Variants in MS4A7 observed in about 807,000 individuals in gnomAD.
MS4A7 encodes the protein membrane spanning 4-domains A7, also known as membrane-spanning 4-domains subfamily A member 7.
A neutral mutation model predicts 23.5 loss-of-function variants in MS4A7; 21 were observed. The ratio of observed to expected loss-of-function variants is 0.89; its 90% CI spans 0.63 to 1.29. The LOEUF (loss-of-function observed/expected upper bound fraction) is 1.29, where lower values mean the gene tolerates loss of function less well. Ranked by LOEUF, MS4A7 falls within the 50% of genes most tolerant of loss-of-function variation. MS4A7 has a pLI of 0.00. For missense variants in MS4A7, 263 were observed against 274.2 expected (o/e 0.96, Z 0.29); for synonymous variants, 111 against 107.4 (o/e 1.03, Z -0.21).
chr11:60,387,257 C>T (rs1590794286), intron 4 of MS4A7, among the ~76,000 whole-genome samples: 1 of 152,268 alleles, frequency 6.6e-6, no homozygotes, highest in African/African-American at 2.4e-5. Context: ...GTTTGGTTTT[C>T]CCAGGACTGT....
In MS4A7 at chr11:60,392,795, G is replaced by A; in HGVS notation, c.648+9G>A. The stretch of plus-strand genomic sequence containing the variant: ...ACTCCAACAACCCTGGGGTGAGTAT[G>A]CTGACATGTCGCCTGATACCTGCTG... On this transcript the variant is annotated intron_variant, in intron 6 of 6. Transcript: ENST00000300184. 1 of 1,592,156 alleles carries A rather than the reference G, an allele frequency of 6.3e-7. No homozygotes were observed.
intron 5 of MS4A7, among the ~76,000 whole-genome samples, chr11:60,392,228 C>G (rs1590798340): frequency 6.6e-6 from 1 of 151,478 alleles, no homozygotes; most frequent in African/African-American, 2.4e-5. Context: ...CAGTACATAT[C>G]TAGTAGGAGT....
At chr11:60,391,196 C>A (rs1204443547) in intron 5 of MS4A7, among the ~76,000 whole-genome samples, 2 of 152,158 alleles carry the variant, frequency 1.3e-5, no homozygotes, top group African/African-American at 4.8e-5. Context: ...GCCCAACATC[C>A]CAAGAAGTTT....
chr11:60,388,589 G>A (rs2085515338), intron 4 of MS4A7, among the ~76,000 whole-genome samples: 4 of 152,214 alleles, frequency 2.6e-5, no homozygotes, highest in Admixed American at 2.6e-4. Flanking sequence ...GAGTCAGGAT[G>A]TGGCTTTTCC....
At position 60,384,873 on chromosome 11, in the gene MS4A7, C is replaced by T. The variant is rs368613076; in HGVS notation, c.148-215C>T. On this transcript the variant is annotated intron_variant, in intron 2 of 6. Transcript: ENST00000300184. ...TTAAAATGTGTGTATGATCACTTTC[C>T]GATTTGCTGGTTTAATAATCCTATC... is the stretch of plus-strand genomic sequence containing the variant. Among the ~76,000 whole-genome samples, 8 of 152,230 alleles carry T rather than the reference C, an allele frequency of 5.3e-5. No individual in the cohort carries two copies. In the South Asian group the frequency reaches 1.2e-3, roughly 24 times the overall value.
intron 2 of MS4A7, 30 bp from the exon 3 acceptor site, chr11:60,385,058 A>C (rs2233244): frequency 0.26 from 415,342 of 1,601,394 alleles, 55,940 homozygotes; most frequent in Non-Finnish European, 0.28. Context: ...TTTGAAGTGC[A>C]GTCTAGATTT....
chr11:60,383,364 G>A, intron 2 of MS4A7, 76 bp downstream of exon 2: 1 of 1,530,644 alleles, frequency 6.5e-7, no homozygotes, highest in Non-Finnish European at 8.8e-7. Flanking sequence ...TCTACAGTGG[G>A]TCTGGGAAAC....
In MS4A7 at chr11:60,385,167, A is replaced by G. The variant is rs2085472040; in HGVS notation, c.227A>G (p.Asn76Ser). 1 of 1,613,900 alleles carries G rather than the reference A, an allele frequency of 6.2e-7. No homozygotes were observed. Among genetic ancestry groups the G allele is most frequent in the African/African-American group, 1.3e-5 (1 of 74,846 alleles). The change falls in exon 3 of 7, where the codon AAT becomes AGT. Residue 76 changes from asparagine (N) to serine (S), a missense_variant. Transcript: ENST00000300184. ...TTTGCTCCCTACCCCTCCCACTTCA[A>G]TCCAGCAATTTCCACCACTTTGATG... ...LVFAPYPSHF[N>S]PAISTTLMSG...
In MS4A7 at chr11:60,386,760, C is replaced by A. The variant is rs1164647216; in HGVS notation, c.326C>A (p.Ser109Ter). 6.2e-7 allele frequency: 1 copy of A among 1,612,206 alleles called. No homozygotes were observed. Among genetic ancestry groups the A allele is most frequent in the Non-Finnish European group, 8.5e-7 (1 of 1,178,428 alleles). Residue 109 changes from serine to a stop codon, truncating the protein, a stop_gained, in exon 4 of 7, where the codon TCA becomes TAA. Coordinates refer to ENST00000300184, the MANE Select transcript of MS4A7 (RefSeq NM_021201.5). LOFTEE classifies it high-confidence loss of function. ...CTCTCAATTATCTCTGGAAAACAAT[C>A]AACTAAGCCCTTTGTAAGTATAAGG... ...GSLSIISGKQ[S>*]TKPFDLSSLT...
intron 1 of MS4A7, among the ~76,000 whole-genome samples, chr11:60,379,797 A>G (rs2085410313): frequency 6.6e-6 from 1 of 152,140 alleles, no homozygotes; most frequent in African/African-American, 2.4e-5. Context: ...GGCCTCCCAA[A>G]GTGCTAGGAT....
In MS4A7 at chr11:60,392,878, A is replaced by G. The variant is rs914853341; in HGVS notation, c.648+92A>G. 4.4e-6 allele frequency: 4 copies of G among 901,640 alleles called. No homozygotes were observed. The South Asian group carries it at 4.5e-5, about 10-fold the overall frequency. 55.9% of individuals were successfully genotyped at this position (901,640 alleles called of 1,614,324 possible). A position where few individuals can be genotyped will look rare whatever the true frequency, so the allele number is the denominator to read the frequency against. On this transcript the variant is annotated intron_variant, in intron 6 of 6. Transcript: ENST00000300184. ...CAAAAAGTGGCAAAAAGAAGAATCA[A>G]TTATTGTTCATGAGGTGCATGTGGA...
chr11:60,393,883 A>G lies in MS4A7; in HGVS notation c.*22A>G. On this transcript the variant is annotated 3_prime_UTR_variant, in exon 7 of 7. Transcript: ENST00000300184. ...ATAAGTAACTCTTGGCCTCAGAGGA[A>G]GGAAAAGCAACTCAACACTCATGGT... The G allele has an allele frequency of 6.4e-7, 1 of 1,551,760 alleles. No homozygotes were observed. The highest frequency in any genetic ancestry group is 1.2e-5 in the South Asian group (1 of 85,388).
intron 6 of MS4A7, 137 bp from the exon 7 acceptor site, chr11:60,393,650 T>C: frequency 2.0e-6 from 1 of 496,298 alleles, no homozygotes; most frequent in Non-Finnish European, 3.5e-6. Context: ...TTTTAATTAA[T>C]ATTGCTGCAA....
chr11:60,381,066 A>C (rs942134383), intron 1 of MS4A7, among the ~76,000 whole-genome samples: 2 of 152,214 alleles, frequency 1.3e-5, no homozygotes, highest in African/African-American at 4.8e-5. Context: ...GACTGTCACA[A>C]AGCTCTTAAT....
At chr11:60,389,699 C>T (rs1230723420) in intron 5 of MS4A7, 103 bp downstream of exon 5, 3 of 1,050,494 alleles carry the variant, frequency 2.9e-6, no homozygotes, top group East Asian at 4.8e-5. Context: ...GGTCCGAATG[C>T]CTGGAGACAG....
rs1304932040 is a variant in MS4A7, at chr11:60,395,038, C to T, written c.*1177C>T. The T allele has an allele frequency of 1.7e-6, 1 of 592,548 alleles. No individual in the cohort carries two copies. Among genetic ancestry groups the T allele is most frequent in the Non-Finnish European group, 3.1e-6 (1 of 327,364 alleles). 36.7% of individuals were successfully genotyped at this position (592,548 alleles called of 1,614,324 possible). On this transcript the variant is annotated 3_prime_UTR_variant, in exon 7 of 7. Transcript: ENST00000300184. ...GCTTCTAGCTTGGAGCTAAATGCTG[C>T]TCATGCTGAAAAGAATAATGTCTAT...
intron 6 of MS4A7, among the ~76,000 whole-genome samples, chr11:60,393,474 T>C (rs2135110895): frequency 6.6e-6 from 1 of 152,334 alleles, no homozygotes; most frequent in South Asian, 2.1e-4. Flanking sequence ...CCCTGTGCTC[T>C]TCCTTACATC....
intron 4 of MS4A7, among the ~76,000 whole-genome samples, chr11:60,387,245 T>C (rs2085501823): frequency 6.6e-6 from 1 of 152,178 alleles, no homozygotes; most frequent in South Asian, 2.1e-4. Flanking sequence ...GGGTGACCAA[T>C]TGTTTGGTTT....
In MS4A7 at chr11:60,392,754, T is replaced by C; in HGVS notation, c.616T>C (p.Trp206Arg). Residue 206 changes from tryptophan to arginine, a missense_variant, in exon 6 of 7, where the codon TGG becomes CGG. Transcript: ENST00000300184. ...LLLAAYSSVF[W>R]WKQLYSNNPG... ...ATTAGCTGCATACAGTTCTGTCTTT[T>C]GGTGGAAACAGCTCTACTCCAACAA... is the stretch of plus-strand genomic sequence containing the variant. 6.2e-7 allele frequency: 1 copy of C among 1,614,050 alleles called. No homozygotes were observed. Among genetic ancestry groups the C allele is most frequent in the South Asian group, 1.1e-5 (1 of 91,072 alleles).
Sources: allele counts gnomAD v4.1 joint callset (sites outside exome capture counted in the v4.1 genomes callset), GRCh38; gene constraint gnomAD v4.1.1; transcripts MANE v1.5; gene names NCBI Gene and HGNC (gene_info 2026-07-23, HGNC 2026-07-21).